Variants in CELA3A observed in about 807,000 individuals in gnomAD.
CELA3A encodes the protein chymotrypsin-like elastase family member 3A.
Under a neutral mutation model 38.6 loss-of-function variants are expected in CELA3A, and 35 were observed. The ratio of observed to expected loss-of-function variants is 0.91; its 90% CI spans 0.69 to 1.20. The LOEUF is 1.20. Among genes scored for constraint, CELA3A ranks in the 50% most tolerant of loss-of-function variants. The pLI is 0.00. For missense variants in CELA3A, 343 were observed against 354.2 expected (o/e 0.97, Z 0.25); for synonymous variants, 143 against 136.7 (o/e 1.05, Z -0.32).
chr1:22,009,991 T>C (rs1196071569), intron 7 of CELA3A, 134 bp downstream of exon 7: 2 of 1,351,258 alleles, frequency 1.5e-6, no homozygotes, highest in African/African-American at 3.1e-5. Flanking sequence ...CTTGGGGACA[T>C]TCCAGAAAGG....
Position 22,009,589 on chromosome 1 carries a change from G to A in CELA3A, c.643-116G>A. On this transcript the variant is annotated intron_variant, in intron 6 of 7. Transcript: ENST00000290122. ...TAATAAATGATAAAAAAATGAGCGAGCTAAGGCTCAGAGGTGTCAAGTAAT... is the reference window on the plus strand; with the variant it reads ...TAATAAATGATAAAAAAATGAGCGAACTAAGGCTCAGAGGTGTCAAGTAAT... 1.5e-6 allele frequency: 2 copies of A among 1,302,810 alleles called. 1 individual carries two copies. The allele number at this position is 1,302,810 out of a possible 1,614,324, so 80.7% of individuals were successfully genotyped here.
chr1:22,010,322 A>AG, intron 7 of CELA3A: 1 of 368,596 alleles, frequency 2.7e-6, no homozygotes, highest in South Asian at 2.1e-5. Context: ...AACAACAAAA[A>AG]AAAAGAGAGT....
At chr1:22,007,201 G>T (rs1644955939) in intron 5 of CELA3A, among the ~76,000 whole-genome samples, 172 bp from the exon 6 acceptor site, 1 of 151,630 alleles carries the variant, frequency 6.6e-6, no homozygotes, top group Non-Finnish European at 1.5e-5. Context: ...GGTATCTTCT[G>T]TGTGCCACGT....
chr1:22,003,986 G>C (rs1250134582), intron 2 of CELA3A, among the ~76,000 whole-genome samples: 1 of 150,794 alleles, frequency 6.6e-6, no homozygotes, highest in East Asian at 2.0e-4. Flanking sequence ...TTACAGGTGT[G>C]AGTCACTGCA....
chr1:22,009,769 C>T lies in CELA3A; in HGVS notation c.707C>T (p.Thr236Ile), dbSNP rs1644972587. ...GGTGGCTGGCAGGTCCACGGTGTGACCAGCTTTGTTTCTGCCTTTGGCTGC... is the reference window on the plus strand; with the variant it reads ...GGTGGCTGGCAGGTCCACGGTGTGATCAGCTTTGTTTCTGCCTTTGGCTGC... ...EDGGWQVHGV[T>I]SFVSAFGCNF... Residue 236 changes from threonine to isoleucine, a missense_variant, in exon 7 of 8, where the codon ACC becomes ATC. Transcript: ENST00000290122. 6.2e-7 allele frequency: 1 copy of T among 1,612,140 alleles called. No homozygotes were observed. Among genetic ancestry groups the T allele is most frequent in the Non-Finnish European group, 8.5e-7 (1 of 1,179,328 alleles).
intron 7 of CELA3A, chr1:22,010,325 A>G (rs1052661343): frequency 5.4e-6 from 2 of 368,438 alleles, no homozygotes; most frequent in African/African-American, 4.3e-5. Flanking sequence ...AACAAAAAAA[A>G]AGAGAGTAAT....
chr1:22,007,165 C>G lies in CELA3A; in HGVS notation c.499+151C>G, dbSNP rs533430308. The G allele has an allele frequency of 4.8e-5, 67 of 1,383,630 alleles. 1 individual carries two copies. Among genetic ancestry groups the G allele is most frequent in the Non-Finnish European group, 6.1e-5 (62 of 1,021,208 alleles). 85.7% of individuals were successfully genotyped at this position (1,383,630 alleles called of 1,614,324 possible). A position where few individuals can be genotyped will look rare whatever the true frequency, so the allele number is the denominator to read the frequency against. ...CCTTCTTCCATCAACCTCCAAAACA[C>G]GAATGTGGTCAATTGCACATGTTTT... On this transcript the variant is annotated intron_variant, in intron 5 of 7. Coordinates refer to ENST00000290122, the MANE Select transcript of CELA3A (RefSeq NM_005747.5).
Position 22,005,454 on chromosome 1 carries a change from T to C in CELA3A, c.137T>C (p.Leu46Pro). 2 of 1,612,500 alleles carry C rather than the reference T, an allele frequency of 1.2e-6. No individual in the cohort carries two copies. Among genetic ancestry groups the C allele is most frequent in the Non-Finnish European group, 1.7e-6 (2 of 1,179,630 alleles). ...TTCCTCCTGGGCCACCAGGTTTCCC[T>C]GCAGTATGAGAAAAGTGGAAGCTTC... ...VPYSWPWQVS[L>P]QYEKSGSFYH... The change falls in exon 3 of 8, where the codon CTG becomes CCG. Residue 46 changes from leucine (L) to proline (P), a missense_variant. Physicochemically the swap from Leu to Pro is moderately conservative, Grantham distance 98. Coordinates refer to ENST00000290122, the MANE Select transcript of CELA3A (RefSeq NM_005747.5).
At chr1:22,008,200 G>T (rs1160712738) in intron 6 of CELA3A, among the ~76,000 whole-genome samples, 3 of 127,474 alleles carry the variant, frequency 2.4e-5, no homozygotes, top group African/African-American at 5.6e-5. Context: ...GCCCAGGCTG[G>T]AGTGCAGTAA....
intron 7 of CELA3A, chr1:22,010,087 T>C: frequency 1.7e-6 from 1 of 589,322 alleles, no homozygotes; most frequent in Middle Eastern, 4.7e-4. Context: ...ACTTCCTTAT[T>C]TCAACAAGTA....
At chr1:22,002,286 C>T (rs1644922878) in intron 1 of CELA3A, among the ~76,000 whole-genome samples, 1 of 151,338 alleles carries the variant, frequency 6.6e-6, no homozygotes, top group East Asian at 1.9e-4. Flanking sequence ...TATCATTATC[C>T]CCCATTTTAC....
chr1:22,003,946 C>T (rs1407988280), intron 2 of CELA3A, among the ~76,000 whole-genome samples: 3 of 150,828 alleles, frequency 2.0e-5, no homozygotes, highest in Non-Finnish European at 4.4e-5. Context: ...TCAGGTGATC[C>T]ACCTGCCTCG....
At chr1:22,005,357 A>G (rs1420543465) in intron 2 of CELA3A, 90 bp from the exon 3 acceptor site, 4 of 1,481,902 alleles carry the variant, frequency 2.7e-6, no homozygotes, top group Non-Finnish European at 3.8e-6. Context: ...CGCCCTCTAG[A>G]GTTGCACAGT....
At chr1:22,007,261 GA>G (rs1644956384) in intron 5 of CELA3A, 111 bp from the exon 6 acceptor site, 1 of 1,443,128 alleles carries the variant, frequency 6.9e-7, no homozygotes, top group African/African-American at 1.4e-5. Flanking sequence ...TAGCGGGTGG[GA>G]GGAGAGTCCT....
chr1:22,006,986 C>A lies in CELA3A; in HGVS notation c.471C>A (p.Cys157Ter). The change falls in exon 5 of 8, where the codon TGC becomes TGA. Residue 157 changes from cysteine to a stop codon, truncating the protein, a stop_gained. Transcript: ENST00000290122. LOFTEE classifies it high-confidence loss of function. ...AGDILPNKTP[C>*]YITGWGRLYT... is the part of the protein sequence containing the mutation. ...ACATCCTTCCCAACAAGACACCCTG[C>A]TACATCACCGGCTGGGGCCGTCTCT... 6.2e-7 allele frequency: 1 copy of A among 1,612,522 alleles called. No homozygotes were observed.
intron 6 of CELA3A, 109 bp downstream of exon 6, chr1:22,007,624 C>G (rs35519693): frequency 0.3 from 335,484 of 1,128,050 alleles, 38,910 homozygotes; most frequent in Admixed American, 0.42. Context: ...CCCCATTCAG[C>G]CTCCAGGCCA....
intron 6 of CELA3A, among the ~76,000 whole-genome samples, chr1:22,008,956 G>C (rs1286988666): frequency 6.6e-6 from 1 of 151,442 alleles, no homozygotes; most frequent in African/African-American, 2.4e-5. Flanking sequence ...TCACAAATGA[G>C]TCAGCTGGCT....
At position 22,007,483 on chromosome 1, in the gene CELA3A, T is replaced by A. The variant is rs1293154227; in HGVS notation, c.610T>A (p.Cys204Ser). Residue 204 changes from cysteine to serine, a missense_variant, in exon 6 of 8, where the codon TGT (cysteine) becomes AGT (serine). Coordinates refer to ENST00000290122, the MANE Select transcript of CELA3A (RefSeq NM_005747.5). The part of the protein sequence containing the change: ...WGSTVKKTMV[C>S]AGGYIRSGCN... ...TTCCACCGTGAAGAAAACCATGGTGTGTGCTGGAGGGTACATCCGCTCCGG... is the reference window on the plus strand; with the variant it reads ...TTCCACCGTGAAGAAAACCATGGTGAGTGCTGGAGGGTACATCCGCTCCGG... 1 of 1,611,988 alleles carries A rather than the reference T, an allele frequency of 6.2e-7. No individual in the cohort carries two copies. Among genetic ancestry groups the A allele is most frequent in the Admixed American group, 1.7e-5 (1 of 59,898 alleles).
intron 6 of CELA3A, among the ~76,000 whole-genome samples, chr1:22,007,891 C>CCTAT (rs1644960714): frequency 6.6e-6 from 1 of 151,058 alleles, no homozygotes; most frequent in African/African-American, 2.5e-5. Context: ...GTCCCTCCTG[C>CCTAT]CTATAATCCA....
Sources: gnomAD v4.1 joint callset for allele counts (sites outside exome capture counted in the v4.1 genomes callset) on GRCh38, gnomAD v4.1.1 for gene constraint, MANE v1.5 for transcripts, NCBI Gene and HGNC (gene_info 2026-07-23, HGNC 2026-07-21) for gene names.